The following ITIH3 variants were observed in gnomAD, a reference collection of about 807,000 sequenced individuals.
The protein encoded by ITIH3 is inter-alpha-trypsin inhibitor heavy chain 3, also known as inter-alpha-trypsin inhibitor heavy chain H3.
A neutral mutation model predicts 96.5 loss-of-function variants in ITIH3; 81 were observed. The ratio of observed to expected loss-of-function variants is 0.84; its 90% CI spans 0.70 to 1.01. The LOEUF is 1.01. Ranked by LOEUF, ITIH3 falls within the 50% of genes least tolerant of loss-of-function variation. The pLI is 0.00. For synonymous variants in ITIH3, 422 were observed against 445.2 expected (o/e 0.95, Z 0.66); for missense variants, 1,057 against 1,139.3 (o/e 0.93, Z 1.04).
chr3:52,799,301 C>G (rs1253162426), intron 7 of ITIH3, 71 bp from the exon 8 acceptor site: 32 of 1,279,432 alleles, frequency 2.5e-5, no homozygotes, highest in Non-Finnish European at 3.4e-5. Flanking sequence ...TGTCTGGCTT[C>G]TACCTGCAAG....
chr3:52,804,094 C>T, intron 14 of ITIH3, 85 bp downstream of exon 14: 1 of 1,440,908 alleles, frequency 6.9e-7, no homozygotes, highest in Non-Finnish European at 9.5e-7. Context: ...GTGGGCCAGG[C>T]TGGGGAGACC....
intron 20 of ITIH3, 83 bp downstream of exon 20, chr3:52,807,999 T>C (rs2154110696): frequency 6.4e-7 from 1 of 1,573,860 alleles, no homozygotes; most frequent in South Asian, 1.1e-5. Flanking sequence ...AGGCACCCTG[T>C]ACCCAGCTCA....
rs776838700 is a variant in ITIH3, at chr3:52,802,772, G to A, written c.1675G>A (p.Ala559Thr). 1.2e-6 allele frequency: 2 copies of A among 1,613,978 alleles called. No homozygotes were observed. The highest frequency in any genetic ancestry group is 2.2e-5 in the South Asian group (2 of 91,078). ...IFGNYIERLWAYLTIEQLLEK... is the reference protein window; with the variant it reads ...IFGNYIERLWTYLTIEQLLEK... ...CGGGAATTACATTGAGCGGCTCTGG[G>A]CCTACCTCACCATTGAGCAGCTGCT... Residue 559 changes from alanine (A) to threonine (T), a missense_variant, in exon 13 of 22, where the codon GCC becomes ACC. By Grantham distance (58) the Ala-to-Thr change is moderately conservative. Transcript: ENST00000449956.
At position 52,806,991 on chromosome 3, in the gene ITIH3, C is replaced by T; in HGVS notation, c.2147C>T (p.Ala716Val). The change falls in exon 19 of 22, where the codon GCC (alanine) becomes GTC (valine). Residue 716 changes from alanine (A) to valine (V), a missense_variant. Transcript: ENST00000449956. ...RKTYFGKLGIANAQMDFQVEV... is the reference protein window; with the variant it reads ...RKTYFGKLGIVNAQMDFQVEV... ...ACTTACTTTGGAAAACTGGGCATCGCCAATGCTCAGATGGACTTCCAGGTG... is the reference window on the plus strand; with the variant it reads ...ACTTACTTTGGAAAACTGGGCATCGTCAATGCTCAGATGGACTTCCAGGTG... 6.3e-7 allele frequency: 1 copy of T among 1,598,212 alleles called. No homozygotes were observed. The highest frequency in any genetic ancestry group is 8.5e-7 in the Non-Finnish European group (1 of 1,172,544).
chr3:52,802,154 C>T, intron 11 of ITIH3, 180 bp from the exon 12 acceptor site: 1 of 570,122 alleles, frequency 1.8e-6, no homozygotes, highest in South Asian at 2.5e-5. Context: ...TCGTGTCTAT[C>T]TGGGAGCAGG....
chr3:52,798,908 T>A (rs1699698490), intron 6 of ITIH3, 58 bp from the exon 7 acceptor site: 34 of 1,595,494 alleles, frequency 2.1e-5, no homozygotes, highest in Non-Finnish European at 2.9e-5. Context: ...AGGGCTGAGG[T>A]CTCCCAGTGG....
intron 15 of ITIH3, chr3:52,805,464 A>G (rs1437137695): frequency 9.0e-7 from 1 of 1,111,906 alleles, no homozygotes; most frequent in East Asian, 5.6e-5. Flanking sequence ...GACAGCCGTG[A>G]GCCTCACTCA....
In ITIH3 at chr3:52,808,565, G is replaced by A; in HGVS notation, c.2557G>A (p.Asp853Asn). 5 of 1,613,820 alleles carry A rather than the reference G, an allele frequency of 3.1e-6. No homozygotes were observed. Among genetic ancestry groups the A allele is most frequent in the Non-Finnish European group, 4.2e-6 (5 of 1,179,766 alleles). ...TTCTTTCCCCAGGGGCTCCCAGAAA[G>A]ACTACAGAAAGGATGCCAGCATCGG... Reference protein sequence around the residue: ...QLIVTRGSQKDYRKDASIGTK... With the variant: ...QLIVTRGSQKNYRKDASIGTK... The change falls in exon 22 of 22, where the codon GAC becomes AAC. Residue 853 changes from aspartate to asparagine, a missense_variant. Physicochemically the swap from Asp to Asn is conservative, Grantham distance 23. Coordinates refer to ENST00000449956, the MANE Select transcript of ITIH3 (RefSeq NM_002217.4).
rs745624330 is a variant in ITIH3 at position 52,794,853 on chromosome 3, T to C, written c.50T>C (p.Leu17Ser). 6.2e-7 allele frequency: 1 copy of C among 1,613,912 alleles called. No homozygotes were observed. Among genetic ancestry groups the C allele is most frequent in the African/African-American group, 1.3e-5 (1 of 74,960 alleles). Residue 17 changes from leucine (L) to serine (S), a missense_variant, in exon 1 of 22, where the codon TTG becomes TCG. Leu to Ser is a moderately radical substitution (Grantham distance 145). Coordinates refer to ENST00000449956, the MANE Select transcript of ITIH3 (RefSeq NM_002217.4). ...PCLILALLSS[L>S]AASGFPRSPF... ...CTCATCTTGGCTCTGCTCTCCAGCT[T>C]GGCAGCCTCTGGCTTCCCGAGAAGC...
chr3:52,802,087 A>G, intron 11 of ITIH3: 1 of 451,932 alleles, frequency 2.2e-6, no homozygotes, highest in Non-Finnish European at 3.8e-6. Context: ...CTGTCCTTTC[A>G]TATTTCTTTT....
chr3:52,795,223 C>A (rs1025136146), intron 1 of ITIH3, among the ~76,000 whole-genome samples: 2 of 152,220 alleles, frequency 1.3e-5, no homozygotes, highest in Admixed American at 6.5e-5. Flanking sequence ...CTCAGTTGAG[C>A]CCTGCGGGGT....
In ITIH3 at chr3:52,800,993, G is replaced by A; in HGVS notation, c.1230G>A (p.Glu410=). The A allele has an allele frequency of 1.2e-6, 2 of 1,614,074 alleles. No homozygotes were observed. The highest frequency in any genetic ancestry group is 2.2e-5 in the South Asian group (2 of 91,090). ...VGESRPEKIQ[E]NVRNAIGGKF... Reference sequence around the variant, plus strand: ...AGAGCAGACCCGAAAAAATCCAAGAGAATGTGCGGAATGCCATCGGGGGCA... The same window carrying A: ...AGAGCAGACCCGAAAAAATCCAAGAAAATGTGCGGAATGCCATCGGGGGCA... Residue 410 remains glutamate (E), a synonymous_variant, in exon 11 of 22, where the codon GAG becomes GAA. Coordinates refer to ENST00000449956, the MANE Select transcript of ITIH3 (RefSeq NM_002217.4).
intron 11 of ITIH3, 43 bp from the exon 12 acceptor site, chr3:52,802,291 C>T (rs376138224): frequency 2.4e-5 from 38 of 1,601,800 alleles, no homozygotes; most frequent in Non-Finnish European, 3.0e-5. Flanking sequence ...TCAGTGGGAG[C>T]CTGACCTGGG....
chr3:52,799,532 G>C, intron 8 of ITIH3, 44 bp downstream of exon 8: 1 of 1,411,306 alleles, frequency 7.1e-7, no homozygotes, highest in Non-Finnish European at 9.7e-7. Flanking sequence ...GGTAGTAGGG[G>C]GTGGAAGAGA....
chr3:52,795,540 C>T, intron 1 of ITIH3, 63 bp from the exon 2 acceptor site: 2 of 1,557,378 alleles, frequency 1.3e-6, no homozygotes, highest in Non-Finnish European at 1.7e-6. Flanking sequence ...CCTCCCAGGC[C>T]ATGCGGCCTT....
intron 14 of ITIH3, chr3:52,804,438 C>T (rs1479202632): frequency 4.3e-6 from 2 of 468,514 alleles, no homozygotes; most frequent in East Asian, 7.6e-5. Context: ...GATTGCCCTA[C>T]TCAACAGGGG....
At position 52,800,974 on chromosome 3, in the gene ITIH3, G is replaced by C; in HGVS notation, c.1211G>C (p.Arg404Thr). ...CCCCCTTCTCCAACAGGTGAGAGCAGACCCGAAAAAATCCAAGAGAATGTG... is the reference window on the plus strand; with the variant it reads ...CCCCCTTCTCCAACAGGTGAGAGCACACCCGAAAAAATCCAAGAGAATGTG... ...TDGDANVGESRPEKIQENVRN... is the reference protein window; with the variant it reads ...TDGDANVGESTPEKIQENVRN... Residue 404 changes from arginine to threonine, a missense_variant, in exon 11 of 22, where the codon AGA (arginine) becomes ACA (threonine). Arg to Thr is a moderately conservative substitution (Grantham distance 71). Transcript: ENST00000449956. 1 of 1,614,040 alleles carries C rather than the reference G, an allele frequency of 6.2e-7. No individual in the cohort carries two copies. Among genetic ancestry groups the C allele is most frequent in the Non-Finnish European group, 8.5e-7 (1 of 1,179,906 alleles).
chr3:52,797,157 G>C lies in ITIH3; in HGVS notation c.439G>C (p.Gly147Arg), dbSNP rs759553851. Residue 147 changes from glycine (G) to arginine (R), a missense_variant, in exon 5 of 22, where the codon GGC becomes CGC. Transcript: ENST00000449956. ...KFTVSVNVAA[G>R]SKVTFELTYE... The stretch of plus-strand genomic sequence containing the variant: ...CACAGTCTCGGTCAACGTGGCTGCA[G>C]GCAGCAAAGTCACCTTCGAGCTAAC... 1.2e-6 allele frequency: 2 copies of C among 1,609,712 alleles called. No individual in the cohort carries two copies. Among genetic ancestry groups the C allele is most frequent in the African/African-American group, 1.3e-5 (1 of 74,846 alleles).
At chr3:52,795,888 C>A (rs1578750629) in intron 2 of ITIH3, 1 of 488,812 alleles carries the variant, frequency 2.0e-6, no homozygotes, top group East Asian at 3.4e-5. Flanking sequence ...TTAGCACTTG[C>A]TGGTACCTGG....
Sources: allele counts gnomAD v4.1 joint callset (sites outside exome capture counted in the v4.1 genomes callset), GRCh38; gene constraint gnomAD v4.1.1; transcripts MANE v1.5; gene names NCBI Gene and HGNC (gene_info 2026-07-23, HGNC 2026-07-21).